The following KDM5B variants were observed in gnomAD, a reference collection of about 807,000 sequenced individuals.
The protein encoded by KDM5B is lysine demethylase 5B.
In KDM5B, 144 loss-of-function variants were observed where a neutral mutation model predicts 193.4. That is an observed-to-expected ratio of 0.74 (90% CI 0.65 to 0.86). The LOEUF (loss-of-function observed/expected upper bound fraction) is 0.86. Ranked by LOEUF, KDM5B falls within the 40% of genes least tolerant of loss-of-function variation. KDM5B has a pLI of 0.00. For synonymous variants in KDM5B, 668 were observed against 682.6 expected (o/e 0.98, Z 0.33); for missense variants, 1,833 against 1,886.9 (o/e 0.97, Z 0.53).
rs142375256 is a variant in KDM5B, at chr1:202,731,832, G to A, written c.4017C>T (p.Leu1339=). 1,434 of 1,601,454 alleles carry A rather than the reference G, an allele frequency of 9.0e-4. 2 individuals are homozygous for A. Among genetic ancestry groups the A allele is most frequent in the Non-Finnish European group, 1.2e-3 (1,355 of 1,168,566 alleles). Residue 1339 remains leucine (L), a synonymous_variant, in exon 24 of 27, where the codon CTC becomes CTT. Transcript: ENST00000367265. ...ACGTAATAACAAAATACAAACCATG[G>A]AGGGGGATACAACTTCGTCCAGTTG... ...PFSTGRSCIP[L]HGVSPEVNEL...
chr1:202,758,371 A>C lies in KDM5B; in HGVS notation c.1197+20T>G, dbSNP rs1180994831. 1 of 1,561,300 alleles carries C rather than the reference A, an allele frequency of 6.4e-7. No homozygotes were observed. The highest frequency in any genetic ancestry group is 1.2e-5 in the South Asian group (1 of 83,078). ...AAAAGCTATTAAAATCCTAAATCAA[A>C]GCAGTATATATGTACATACATGGAC... is the stretch of plus-strand genomic sequence containing the variant. On this transcript the variant is annotated intron_variant, in intron 9 of 26. Transcript: ENST00000367265.
intron 4 of KDM5B, among the ~76,000 whole-genome samples, chr1:202,771,644 C>G (rs866400494): frequency 1.3e-5 from 2 of 152,004 alleles, no homozygotes; most frequent in East Asian, 3.9e-4. Flanking sequence ...TGCAGTGGCA[C>G]AATCTCAGCT....
At chr1:202,748,552 T>C (rs1000603951) in intron 14 of KDM5B, among the ~76,000 whole-genome samples, 2 of 151,610 alleles carry the variant, frequency 1.3e-5, no homozygotes, top group African/African-American at 2.4e-5. Context: ...AAAGAATTAT[T>C]ACAAAAACCA....
intron 4 of KDM5B, among the ~76,000 whole-genome samples, chr1:202,768,160 T>C (rs1254064795): frequency 1.3e-5 from 2 of 152,210 alleles, no homozygotes; most frequent in Non-Finnish European, 2.9e-5. Flanking sequence ...TGATCAGAAA[T>C]GCATCTCTTC....
At chr1:202,771,939 TAA>T (rs879665588) in intron 4 of KDM5B, among the ~76,000 whole-genome samples, 1 of 149,852 alleles carries the variant, frequency 6.7e-6, no homozygotes, top group Non-Finnish European at 1.5e-5. Flanking sequence ...TATAATGTAT[TAA>T]AAAAAAAAGT....
At chr1:202,769,668 CAAAAAAAAAA>C (rs71142553) in intron 4 of KDM5B, among the ~76,000 whole-genome samples, 10 of 55,946 alleles carry the variant, frequency 1.8e-4, no homozygotes, top group African/African-American at 6.1e-4. Context: ...GACTCTGTCT[CAAAAAAAAAA>C]AAAAAAAAAA....
At chr1:202,798,848 C>A (rs757206390) in intron 1 of KDM5B, among the ~76,000 whole-genome samples, 3 of 152,076 alleles carry the variant, frequency 2.0e-5, no homozygotes, top group Non-Finnish European at 4.4e-5. Flanking sequence ...CAGCAAGACC[C>A]TGTCCCTAAA....
In KDM5B at chr1:202,756,372, A is replaced by AGAGTTT; in HGVS notation, c.1336_1341dup (p.Lys446_Leu447dup). ...TATATGCCTACCTCTTCCTCAGGTGAGAGTTTGATTTTCCCATCTCGGACA... is the reference window on the plus strand; with the variant it reads ...TATATGCCTACCTCTTCCTCAGGTGAGAGTTTGAGTTTGATTTTCCCATCTCGGACA... On this transcript the variant is annotated inframe_insertion, in exon 10 of 27. Coordinates refer to ENST00000367265, the MANE Select transcript of KDM5B (RefSeq NM_006618.5). The AGAGTTT allele has an allele frequency of 6.2e-7, 1 of 1,610,658 alleles. No individual in the cohort carries two copies. Among genetic ancestry groups the AGAGTTT allele is most frequent in the Non-Finnish European group, 8.5e-7 (1 of 1,178,596 alleles).
chr1:202,774,062 T>TA (rs1327879559), intron 3 of KDM5B, among the ~76,000 whole-genome samples: 6 of 152,130 alleles, frequency 3.9e-5, no homozygotes, highest in Admixed American at 6.6e-5. Flanking sequence ...TTTACCTTTT[T>TA]ATCACCCTGA....
chr1:202,806,461 C>T (rs2102357202), intron 1 of KDM5B: 1 of 152,316 alleles, frequency 6.6e-6, no homozygotes, highest in South Asian at 2.1e-4. Context: ...CTTCTGCAGG[C>T]CTCTTTGCAC....
intron 4 of KDM5B, among the ~76,000 whole-genome samples, chr1:202,769,548 A>G (rs1159214777): frequency 6.6e-6 from 1 of 151,210 alleles, no homozygotes. Context: ...GCATGCCTGT[A>G]ATCCCACCTA....
In KDM5B at chr1:202,749,043, C is replaced by G; in HGVS notation, c.1918G>C (p.Ala640Pro). ...GCCACTACAACATCTAATACATCAG[C>G]CTTGGAAGCCATCTTGCAGATCATC... ...DEMICKMASK[A>P]DVLDVVVAST... The change falls in exon 14 of 27, where the codon GCT (alanine) becomes CCT (proline). Residue 640 changes from alanine to proline, a missense_variant. Physicochemically the swap from Ala to Pro is conservative, Grantham distance 27. Transcript: ENST00000367265. 6.2e-7 allele frequency: 1 copy of G among 1,614,124 alleles called. No individual in the cohort carries two copies. The highest frequency in any genetic ancestry group is 2.2e-5 in the East Asian group (1 of 44,878).
intron 22 of KDM5B, among the ~76,000 whole-genome samples, chr1:202,734,145 C>T (rs1655005591): frequency 6.6e-6 from 1 of 152,074 alleles, no homozygotes; most frequent in Admixed American, 6.5e-5. Context: ...ATAGGACACT[C>T]TTTGCCTGGC....
intron 1 of KDM5B, among the ~76,000 whole-genome samples, chr1:202,779,884 T>C (rs1657130139): frequency 6.6e-6 from 1 of 151,228 alleles, no homozygotes; most frequent in Admixed American, 6.6e-5. Flanking sequence ...ATGAATGAAA[T>C]TAACTGCAGC....
At chr1:202,733,080 T>TA (rs1295466757) in intron 23 of KDM5B, among the ~76,000 whole-genome samples, 2 of 152,188 alleles carry the variant, frequency 1.3e-5, no homozygotes, top group Non-Finnish European at 2.9e-5. Flanking sequence ...AGCAAAGACT[T>TA]AAAGATACAT....
chr1:202,766,882 AG>A, intron 5 of KDM5B, 43 bp downstream of exon 5: 1 of 1,541,046 alleles, frequency 6.5e-7, no homozygotes, highest in Non-Finnish European at 8.7e-7. Flanking sequence ...CATTGGTATT[AG>A]GGCTTGAGAA....
chr1:202,758,496 T>C lies in KDM5B; in HGVS notation c.1092A>G (p.Pro364=). The change falls in exon 9 of 27, where the codon CCA becomes CCG. Residue 364 remains proline (P), a synonymous_variant. Transcript: ENST00000367265. The part of the protein sequence containing the change: ...PKCLAQECSK[P]QEAFGFEQAA... ...CTTGTTCAAAGCCAAATGCTTCTTG[T>C]GGCTTACTACATTCCTGAAAATAAA... is the stretch of plus-strand genomic sequence containing the variant. 6.2e-7 allele frequency: 1 copy of C among 1,610,930 alleles called. No homozygotes were observed. The highest frequency in any genetic ancestry group is 8.5e-7 in the Non-Finnish European group (1 of 1,177,598).
At chr1:202,799,862 A>G (rs1474667428) in intron 1 of KDM5B, among the ~76,000 whole-genome samples, 3 of 152,170 alleles carry the variant, frequency 2.0e-5, no homozygotes, top group Non-Finnish European at 4.4e-5. Flanking sequence ...GGCATCTCCT[A>G]TCTCAGAAAT....
rs569254259 is a variant in KDM5B at position 202,725,866 on chromosome 1, T to C, written c.*3170A>G. The C allele has an allele frequency of 6.6e-6, 1 of 152,318 alleles. No individual in the cohort carries two copies. The highest frequency in any genetic ancestry group is 1.5e-5 in the Non-Finnish European group (1 of 68,028). 9.4% of individuals were successfully genotyped at this position (152,318 alleles called of 1,614,324 possible). A position where few individuals can be genotyped will look rare whatever the true frequency, so the allele number is the denominator to read the frequency against. ...GGTATGTGTCATATGGCAAGAAACATAGGCAAGACTGAGCCCAGAAAAACA... is the reference window on the plus strand; with the variant it reads ...GGTATGTGTCATATGGCAAGAAACACAGGCAAGACTGAGCCCAGAAAAACA... On this transcript the variant is annotated 3_prime_UTR_variant, in exon 27 of 27. Transcript: ENST00000367265.
Sources: gnomAD v4.1 joint callset for allele counts (sites outside exome capture counted in the v4.1 genomes callset) on GRCh38, gnomAD v4.1.1 for gene constraint, MANE v1.5 for transcripts, NCBI Gene and HGNC (gene_info 2026-07-23, HGNC 2026-07-21) for gene names.